Variants in CAMK2B observed in about 807,000 individuals in gnomAD.
CAMK2B encodes the protein calcium/calmodulin dependent protein kinase II beta.
In CAMK2B, 27 loss-of-function variants were observed where a neutral mutation model predicts 93.7. That is an observed-to-expected ratio of 0.29 (90% CI 0.21 to 0.40). The LOEUF (loss-of-function observed/expected upper bound fraction) is 0.40, where lower values mean the gene tolerates loss of function less well. CAMK2B is among the 10% of genes least tolerant of loss of function. CAMK2B has a pLI of 1.00. For missense variants in CAMK2B, 568 were observed against 895.8 expected, an observed-to-expected ratio of 0.63 and a Z score of 4.67; for synonymous variants, 374 against 358.8, an observed-to-expected ratio of 1.04 and a Z score of -0.48.
chr7:44,220,874 G>A lies in CAMK2B; in HGVS notation c.1625C>T (p.Thr542Met). The change falls in exon 21 of 24, where the codon ACG becomes ATG. Residue 542 changes from threonine (T) to methionine (M), a missense_variant. This residue lies in a region of CAMK2B where 116 missense variants were observed against 188.0 expected (regional missense o/e 0.62). Coordinates refer to ENST00000395749, the MANE Select transcript of CAMK2B (RefSeq NM_001220.5). The part of the protein sequence containing the change: ...PSRKQEIIKT[T>M]EQLIEAVNNG... ...GTTGACGGCCTCGATGAGCTGCTCC[G>A]TGGTCTTAATGATCTCCTGCTTCCG... 2 of 1,572,972 alleles carry A rather than the reference G, an allele frequency of 1.3e-6. No individual in the cohort carries two copies. Among genetic ancestry groups the A allele is most frequent in the South Asian group, 1.2e-5 (1 of 85,642 alleles).
At chr7:44,258,774 G>A (rs1265231155) in intron 4 of CAMK2B, 98 bp downstream of exon 4, 34 of 1,098,016 alleles carry the variant, frequency 3.1e-5, no homozygotes, top group South Asian at 1.8e-4. Flanking sequence ...GCCAGCCCAC[G>A]GGTAGGGACT....
chr7:44,243,363 C>G, intron 7 of CAMK2B, 30 bp from the exon 8 acceptor site: 1 of 1,611,266 alleles, frequency 6.2e-7, no homozygotes, highest in Non-Finnish European at 8.5e-7. Flanking sequence ...CCACAAGGGG[C>G]TGTCAGCATC....
intron 19 of CAMK2B, among the ~76,000 whole-genome samples, chr7:44,227,712 T>TGGGTGTGGGGGACAGAGGA (rs1450533320): frequency 2.9e-4 from 1 of 3,496 alleles, no homozygotes; most frequent in Non-Finnish European, 4.3e-4. Context: ...GGGACCAAGG[T>TGGGTGTGGGGGACAGAGGA]GGGTGTGGGG....
At position 44,228,862 on chromosome 7, in the gene CAMK2B, C is replaced by A; in HGVS notation, c.1402G>T (p.Gly468Cys). 1 of 1,543,708 alleles carries A rather than the reference C, an allele frequency of 6.5e-7. No individual in the cohort carries two copies. Residue 468 changes from glycine to cysteine, a missense_variant, in exon 19 of 24, where the codon GGC (glycine) becomes TGC (cysteine). Transcript: ENST00000395749. Reference protein sequence around the residue: ...RRGSGTPEAEGPLSAGPPPCL... With the variant: ...RRGSGTPEAECPLSAGPPPCL... ...GGCGGGGGCCCCGCTGAGAGGGGGC[C>A]CTCGGCTTCTGGGGTTCCTGAACCC... is the stretch of plus-strand genomic sequence containing the variant.
intron 5 of CAMK2B, among the ~76,000 whole-genome samples, chr7:44,253,362 C>A (rs538683320): frequency 6.6e-6 from 1 of 151,784 alleles, no homozygotes; most frequent in Admixed American, 6.6e-5. Flanking sequence ...TACAGGCATG[C>A]GCCACCACGC....
At chr7:44,242,932 G>T (rs1213633095) in intron 8 of CAMK2B, among the ~76,000 whole-genome samples, 1 of 152,264 alleles carries the variant, frequency 6.6e-6, no homozygotes, top group South Asian at 2.1e-4. Flanking sequence ...ACCCAAGGAG[G>T]TGGCCCTGCC....
At chr7:44,276,494 G>C (rs77704624) in intron 2 of CAMK2B, among the ~76,000 whole-genome samples, 10 of 152,166 alleles carry the variant, frequency 6.6e-5, no homozygotes, top group Non-Finnish European at 1.0e-4. Flanking sequence ...AAGGGGGGGC[G>C]TGCAGGCTTC....
At chr7:44,301,834 C>T (rs770957318) in intron 1 of CAMK2B, among the ~76,000 whole-genome samples, 10 of 151,486 alleles carry the variant, frequency 6.6e-5, no homozygotes, top group Admixed American at 5.3e-4. Context: ...AAGCTTCCAC[C>T]TTAAGAAACT....
At chr7:44,279,430 T>C (rs1177939123) in intron 2 of CAMK2B, among the ~76,000 whole-genome samples, 1 of 152,242 alleles carries the variant, frequency 6.6e-6, no homozygotes, top group Admixed American at 6.5e-5. Flanking sequence ...GGGGTCGGCC[T>C]GCCCTCTGGA....
intron 3 of CAMK2B, chr7:44,259,320 A>G: frequency 4.9e-6 from 1 of 205,310 alleles, no homozygotes; most frequent in Non-Finnish European, 1.0e-5. Context: ...AAACCCCAGA[A>G]AGGAGCTGCC....
At chr7:44,241,994 T>C (rs563251797) in intron 10 of CAMK2B, among the ~76,000 whole-genome samples, 3 of 152,132 alleles carry the variant, frequency 2.0e-5, no homozygotes, top group Admixed American at 6.5e-5. Flanking sequence ...AGGACTGCAG[T>C]TGGGAGGAAG....
chr7:44,272,548 T>C (rs1222604866), intron 2 of CAMK2B, among the ~76,000 whole-genome samples: 4 of 152,256 alleles, frequency 2.6e-5, no homozygotes, highest in Non-Finnish European at 5.9e-5. Flanking sequence ...AAGAAGCACC[T>C]GTGGACACAT....
intron 2 of CAMK2B, among the ~76,000 whole-genome samples, chr7:44,279,449 C>T (rs66482342): frequency 0.057 from 8,657 of 152,332 alleles, 296 homozygotes; most frequent in Non-Finnish European, 0.077. Flanking sequence ...GAGCCACACA[C>T]GGCTGGGTAT....
chr7:44,322,488 G>A (rs1426210488), intron 1 of CAMK2B, among the ~76,000 whole-genome samples: 1 of 152,040 alleles, frequency 6.6e-6, no homozygotes, highest in Non-Finnish European at 1.5e-5. Flanking sequence ...ATTATTTCTG[G>A]GATTTTTCTG....
At chr7:44,270,865 A>C (rs964866660) in intron 2 of CAMK2B, among the ~76,000 whole-genome samples, 2 of 152,152 alleles carry the variant, frequency 1.3e-5, no homozygotes, top group Admixed American at 1.3e-4. Context: ...TGACCTGCAC[A>C]CCTGTCTCAG....
chr7:44,294,106 C>T (rs558814680), intron 1 of CAMK2B, among the ~76,000 whole-genome samples: 2 of 152,278 alleles, frequency 1.3e-5, no homozygotes, highest in East Asian at 1.9e-4. Context: ...TCCCTCTTCC[C>T]GCCCAGCATC....
rs1164275943 is a variant in CAMK2B at position 44,225,796 on chromosome 7, C to A, written c.1597+720G>T. 1 of 1,289,518 alleles carries A rather than the reference C, an allele frequency of 7.8e-7. No homozygotes were observed. The highest frequency in any genetic ancestry group is 5.6e-5 in the East Asian group (1 of 18,018). The allele number at this position is 1,289,518 out of a possible 1,614,324, so 79.9% of individuals were successfully genotyped here. A position where few individuals can be genotyped will look rare whatever the true frequency, so the allele number is the denominator to read the frequency against. On this transcript the variant is annotated intron_variant, in intron 20 of 23. Coordinates refer to ENST00000395749, the MANE Select transcript of CAMK2B (RefSeq NM_001220.5). The surrounding 1 kb of genome is among the most constrained non-coding windows in gnomAD (Gnocchi z 5.0). ...TGCCCTGCCATGCCGAGCCCGTGGC[C>A]CAGCAGCCTCTTCTCTAAGAGTATC...
rs1278590474 is a variant in CAMK2B, at chr7:44,220,305, C to A, written c.1769-11G>T. ...TGTTCTTGGCCAGCACTGTGGACAG[C>A]AGGCGGGGCGGGGGTCTCGGGTTAC... On this transcript the variant is annotated splice_polypyrimidine_tract_variant and intron_variant, in intron 22 of 23. Coordinates refer to ENST00000395749, the MANE Select transcript of CAMK2B (RefSeq NM_001220.5). 5.0e-6 allele frequency: 8 copies of A among 1,605,598 alleles called. No individual in the cohort carries two copies. The highest frequency in any genetic ancestry group is 1.7e-4 in the Middle Eastern group (1 of 6,046).
intron 15 of CAMK2B, among the ~76,000 whole-genome samples, chr7:44,233,273 G>A (rs759850035): frequency 2.4e-4 from 36 of 152,140 alleles, no homozygotes; most frequent in Admixed American, 5.2e-4. Context: ...ATGTCATGGG[G>A]GTGGCGGTGG....
Sources: allele counts gnomAD v4.1 joint callset (sites outside exome capture counted in the v4.1 genomes callset), GRCh38; gene constraint gnomAD v4.1.1; regional missense constraint gnomAD v4.1.1; non-coding constraint Gnocchi (gnomAD v3.1); transcripts MANE v1.5; gene names NCBI Gene and HGNC (gene_info 2026-07-23, HGNC 2026-07-21).